GALNTL6: variants seen among roughly 807,000 people sequenced by gnomAD.
GALNTL6 encodes the protein polypeptide N-acetylgalactosaminyltransferase-like 6.
GALNTL6 carries 46 observed loss-of-function variants against 73.7 expected under a neutral mutation model. The observed-to-expected ratio is 0.62, with a 90% confidence interval of 0.49 to 0.80. The LOEUF is 0.80. Among genes scored for constraint, GALNTL6 ranks in the 30% least tolerant of loss-of-function variants. The pLI, the probability that GALNTL6 is intolerant of heterozygous loss-of-function variation, is 0.00. For missense variants in GALNTL6, 604 were observed against 755.0 expected, an observed-to-expected ratio of 0.80 and a Z score of 2.34; for synonymous variants, 259 against 263.7, an observed-to-expected ratio of 0.98 and a Z score of 0.17.
At chr4:172,346,731 C>A (rs1347925953) in intron 4 of GALNTL6, among the ~76,000 whole-genome samples, 1 of 152,046 alleles carries the variant, frequency 6.6e-6, no homozygotes, top group Non-Finnish European at 1.5e-5. Context: ...TATATCAAAC[C>A]TTCAGTAAAT....
intron 10 of GALNTL6, among the ~76,000 whole-genome samples, chr4:173,007,412 G>A (rs1030291614): frequency 1.1e-4 from 17 of 152,164 alleles, no homozygotes; most frequent in African/African-American, 4.1e-4. Context: ...CTTTCTGTAA[G>A]CATACACACC....
intron 3 of GALNTL6, among the ~76,000 whole-genome samples, chr4:172,279,784 T>C (rs1385446494): frequency 6.6e-6 from 1 of 152,190 alleles, no homozygotes; most frequent in African/African-American, 2.4e-5. Flanking sequence ...CCCATGTTCA[T>C]GGTAGCATTA....
At chr4:172,233,655 T>C (rs1293779355) in intron 3 of GALNTL6, among the ~76,000 whole-genome samples, 2 of 152,130 alleles carry the variant, frequency 1.3e-5, no homozygotes, top group South Asian at 2.1e-4. Flanking sequence ...TAATAGCTAA[T>C]GTACTATATC....
intron 4 of GALNTL6, among the ~76,000 whole-genome samples, chr4:172,346,166 C>T (rs2111210556): frequency 6.6e-6 from 1 of 152,220 alleles, no homozygotes; most frequent in South Asian, 2.1e-4. Context: ...CCTGTTCCTC[C>T]AGCAAAATAG....
chr4:172,881,312 T>A (rs1303425873), intron 7 of GALNTL6, among the ~76,000 whole-genome samples: 1 of 152,164 alleles, frequency 6.6e-6, no homozygotes, highest in African/African-American at 2.4e-5. Context: ...AAGGCACATA[T>A]GATTCTAGGA....
At chr4:172,870,945 A>C (rs887715266) in intron 7 of GALNTL6, among the ~76,000 whole-genome samples, 18 of 152,228 alleles carry the variant, frequency 1.2e-4, no homozygotes, top group African/African-American at 4.3e-4. Flanking sequence ...ACAGTTTCAT[A>C]CTGACATTAA....
At chr4:172,106,620 C>T (rs901994660) in intron 2 of GALNTL6, among the ~76,000 whole-genome samples, 3 of 152,060 alleles carry the variant, frequency 2.0e-5, no homozygotes, top group African/African-American at 7.2e-5. Context: ...TGGATGACTG[C>T]TGACCCTCCA....
intron 5 of GALNTL6, among the ~76,000 whole-genome samples, chr4:172,720,452 C>A (rs569711914): frequency 1.2e-3 from 178 of 152,254 alleles, no homozygotes; most frequent in Non-Finnish European, 1.9e-3. Flanking sequence ...CCTCAGTGGG[C>A]AAGCTAGTTA....
At chr4:172,064,100 C>T (rs2110887383) in intron 2 of GALNTL6, among the ~76,000 whole-genome samples, 1 of 152,276 alleles carries the variant, frequency 6.6e-6, no homozygotes, top group South Asian at 2.1e-4. Flanking sequence ...CAAGCCTATC[C>T]CAGGATCTTT....
intron 2 of GALNTL6, among the ~76,000 whole-genome samples, chr4:172,074,458 G>A (rs1186036211): frequency 6.6e-6 from 1 of 152,158 alleles, no homozygotes; most frequent in East Asian, 1.9e-4. Context: ...AATGCCAAGA[G>A]TGCGGTTCTA....
At chr4:172,248,462 G>A (rs2111008435) in intron 3 of GALNTL6, among the ~76,000 whole-genome samples, 1 of 152,200 alleles carries the variant, frequency 6.6e-6, no homozygotes, top group East Asian at 1.9e-4. Flanking sequence ...CTAGATGTGA[G>A]CATATGACTG....
chr4:171,964,710 C>T (rs1428899865), intron 2 of GALNTL6, among the ~76,000 whole-genome samples: 2 of 152,214 alleles, frequency 1.3e-5, no homozygotes, highest in Non-Finnish European at 2.9e-5. Flanking sequence ...CTAGTGGTGG[C>T]TATGAAGCAG....
chr4:172,585,737 A>G (rs1737385000), intron 5 of GALNTL6, among the ~76,000 whole-genome samples: 1 of 152,140 alleles, frequency 6.6e-6, no homozygotes, highest in Non-Finnish European at 1.5e-5. Context: ...GTGTCTTTAT[A>G]CTAGAATGAT....
chr4:172,559,879 T>C (rs1736290238), intron 5 of GALNTL6, among the ~76,000 whole-genome samples: 1 of 152,208 alleles, frequency 6.6e-6, no homozygotes, highest in African/African-American at 2.4e-5. Flanking sequence ...GGCCCCATGA[T>C]CTATAGTTGA....
At chr4:171,867,330 A>AT (rs1215394298) in intron 2 of GALNTL6, among the ~76,000 whole-genome samples, 1 of 152,212 alleles carries the variant, frequency 6.6e-6, no homozygotes, top group Non-Finnish European at 1.5e-5. Flanking sequence ...TAATAAATGT[A>AT]TTAAAATAGT....
chr4:171,993,814 A>G (rs898347960), intron 2 of GALNTL6, among the ~76,000 whole-genome samples: 3 of 151,736 alleles, frequency 2.0e-5, no homozygotes, highest in African/African-American at 7.3e-5. Flanking sequence ...ATATATATGT[A>G]TATATATGTA....
intron 5 of GALNTL6, among the ~76,000 whole-genome samples, chr4:172,421,511 A>G (rs951099834): frequency 9.2e-5 from 14 of 151,918 alleles, no homozygotes; most frequent in Non-Finnish European, 1.9e-4. Flanking sequence ...GATAAAATAA[A>G]AAGGATGAGA....
intron 5 of GALNTL6, among the ~76,000 whole-genome samples, chr4:172,620,873 A>G (rs1358422341): frequency 6.6e-6 from 1 of 152,088 alleles, no homozygotes; most frequent in Admixed American, 6.5e-5. Flanking sequence ...TTGATCCTCT[A>G]CTTTGTGTTC....
intron 5 of GALNTL6, among the ~76,000 whole-genome samples, chr4:172,787,729 C>T (rs764275432): frequency 6.6e-6 from 1 of 152,104 alleles, no homozygotes; most frequent in African/African-American, 2.4e-5. Flanking sequence ...TTACAGATGA[C>T]GAGTAGAAGA....
Sources: gnomAD v4.1 joint callset for allele counts (sites outside exome capture counted in the v4.1 genomes callset) on GRCh38, gnomAD v4.1.1 for gene constraint, MANE v1.5 for transcripts, NCBI Gene and HGNC (gene_info 2026-07-23, HGNC 2026-07-21) for gene names.